The following GET3 variants were observed in gnomAD, a reference collection of about 807,000 sequenced individuals.
GET3 encodes guided entry of tail-anchored proteins factor 3, ATPase, also known as ATPase GET3.
In GET3, 15 loss-of-function variants were observed where a neutral mutation model predicts 32.4. That is an observed-to-expected ratio of 0.46 (90% confidence interval 0.31 to 0.71). The LOEUF is 0.71. Among genes scored for constraint, GET3 ranks in the 30% least tolerant of loss-of-function variants. GET3 has a pLI of 0.05. For synonymous variants in GET3, 198 were observed against 185.6 expected, an observed-to-expected ratio of 1.07 and a Z score of -0.54; for missense variants, 333 against 459.0, an observed-to-expected ratio of 0.73 and a Z score of 2.51.
intron 2 of GET3, among the ~76,000 whole-genome samples, chr19:12,741,556 C>A (rs534555641): frequency 6.6e-6 from 1 of 151,078 alleles, no homozygotes; most frequent in Non-Finnish European, 1.5e-5. Flanking sequence ...GTCGGGAGTT[C>A]GAGACCAGCC....
chr19:12,748,267 G>A lies in GET3; in HGVS notation c.*163G>A. 1.6e-6 allele frequency: 1 copy of A among 618,666 alleles called. No homozygotes were observed. The allele number at this position is 618,666 out of a possible 1,614,324, so 38.3% of individuals were successfully genotyped here. ...CCCCTGGTGGGGCTGGTGGGGAGCT[G>A]TAGTTGCCCCCTACCTCTCCCACCT... On this transcript the variant is annotated 3_prime_UTR_variant, in exon 7 of 7. Transcript: ENST00000357332.
chr19:12,738,234 A>C (rs2145684080), intron 1 of GET3, among the ~76,000 whole-genome samples: 1 of 152,272 alleles, frequency 6.6e-6, no homozygotes, highest in East Asian at 1.9e-4. Context: ...CCGCTGGGCC[A>C]TGCCACTGTG....
In GET3 at chr19:12,747,018, A is replaced by G. The variant is rs1458470910; in HGVS notation, c.610-179A>G. 5.3e-5 allele frequency among the ~76,000 whole-genome samples: 8 copies of G among 152,048 alleles called. No individual in the cohort carries two copies. Among genetic ancestry groups the G allele is most frequent in the East Asian group, 3.9e-4 (2 of 5,176 alleles). ...GAGTGAGACTCCATTTCAAAAAAAA[A>G]AAAAAAAGAAAGAAAGAAATGGAAA... On this transcript the variant is annotated intron_variant, in intron 4 of 6. Coordinates refer to ENST00000357332, the MANE Select transcript of GET3 (RefSeq NM_004317.4). The surrounding 1 kb of genome is among the most constrained non-coding windows in gnomAD (Gnocchi z 4.0).
intron 4 of GET3, among the ~76,000 whole-genome samples, chr19:12,746,574 C>T (rs1967775445): frequency 6.6e-6 from 1 of 152,222 alleles, no homozygotes; most frequent in Non-Finnish European, 1.5e-5. Flanking sequence ...TAACACTGAG[C>T]ACTTACTGTG....
Position 12,742,576 on chromosome 19 carries a change from G to A in GET3, c.310-2801G>A, listed in dbSNP as rs545596924. Among the ~76,000 whole-genome samples, 7 of 152,070 alleles carry A rather than the reference G, an allele frequency of 4.6e-5. No individual in the cohort carries two copies. The South Asian group carries it at 8.3e-4, about 18-fold the overall frequency. ...ACTCCAGGTGCATGCCACCATGCCC[G>A]GCTAATTTTTAGTATTTTTAGTAGA... On this transcript the variant is annotated intron_variant, in intron 2 of 6. Coordinates refer to ENST00000357332, the MANE Select transcript of GET3 (RefSeq NM_004317.4).
At chr19:12,744,727 C>T (rs1450525946) in intron 2 of GET3, among the ~76,000 whole-genome samples, 1 of 152,190 alleles carries the variant, frequency 6.6e-6, no homozygotes, top group Non-Finnish European at 1.5e-5. Context: ...GAGGGGCAGA[C>T]ATTCCTGCTA....
intron 2 of GET3, among the ~76,000 whole-genome samples, chr19:12,741,389 G>T (rs1967666489): frequency 6.6e-6 from 1 of 151,658 alleles, no homozygotes; most frequent in Non-Finnish European, 1.5e-5. Flanking sequence ...GCGGGAGGTG[G>T]AGCTTACAGT....
rs1404502247 is a variant in GET3 at position 12,745,333 on chromosome 19, C to A, written c.310-44C>A. Reference sequence around the variant, plus strand: ...CCCTGTGCCCAGGTGGGAAGGCTCCCCCAGCAGTAGCAGCAACCTCAGTCT... The same window carrying A: ...CCCTGTGCCCAGGTGGGAAGGCTCCACCAGCAGTAGCAGCAACCTCAGTCT... On this transcript the variant is annotated intron_variant, in intron 2 of 6. Transcript: ENST00000357332. The surrounding 1 kb of genome is among the most constrained non-coding windows in gnomAD (Gnocchi z 5.0). The A allele has an allele frequency of 6.3e-7, 1 of 1,594,910 alleles. No homozygotes were observed. Among genetic ancestry groups the A allele is most frequent in the South Asian group, 1.1e-5 (1 of 90,216 alleles).
chr19:12,737,531 G>A lies in GET3; in HGVS notation c.26G>A (p.Gly9Glu), dbSNP rs1967593273. The change falls in exon 1 of 7, where the codon GGG (glycine) becomes GAG (glutamate). Residue 9 changes from glycine to glutamate, a missense_variant. Physicochemically the swap from Gly to Glu is moderately conservative, Grantham distance 98. Coordinates refer to ENST00000357332, the MANE Select transcript of GET3 (RefSeq NM_004317.4). Reference sequence around the variant, plus strand: ...ATGGCGGCAGGGGTGGCCGGGTGGGGGGTTGAGGCAGAGGAGTTCGAAGAT... The same window carrying A: ...ATGGCGGCAGGGGTGGCCGGGTGGGAGGTTGAGGCAGAGGAGTTCGAAGAT... MAAGVAGW[G>E]VEAEEFEDAP... 2 of 1,577,942 alleles carry A rather than the reference G, an allele frequency of 1.3e-6. No individual in the cohort carries two copies. The highest frequency in any genetic ancestry group is 8.6e-7 in the Non-Finnish European group (1 of 1,163,598).
In GET3 at chr19:12,747,383, C is replaced by G. The variant is rs374961741; in HGVS notation, c.718-12C>G. 1.9e-6 allele frequency: 3 copies of G among 1,614,090 alleles called. No homozygotes were observed. The highest frequency in any genetic ancestry group is 3.3e-5 in the Admixed American group (2 of 60,024). On this transcript the variant is annotated splice_polypyrimidine_tract_variant and intron_variant, in intron 5 of 6. Transcript: ENST00000357332. The surrounding 1 kb of genome is among the most constrained non-coding windows in gnomAD (Gnocchi z 4.0). ...GACCCCGCCCCTCACTGTCCTCTCT[C>G]GTGCCCTGTAGGAGCAGACAACTTT...
intron 2 of GET3, among the ~76,000 whole-genome samples, chr19:12,740,392 A>G (rs1967646091): frequency 1.3e-5 from 2 of 150,094 alleles, no homozygotes; most frequent in South Asian, 2.1e-4. Context: ...AAAAAATAAT[A>G]AAGGCCGGGC....
chr19:12,748,016 T>C lies in GET3; in HGVS notation c.959T>C (p.Leu320Pro), dbSNP rs943040815. ...GACTTCCACATCGTGAAGCTGCCGC[T>C]GTTACCCCATGAGGTGCGGGGGGCA... ...YEDFHIVKLP[L>P]LPHEVRGADK... is the part of the protein sequence containing the mutation. The change falls in exon 7 of 7, where the codon CTG becomes CCG. Residue 320 changes from leucine (L) to proline (P), a missense_variant. Transcript: ENST00000357332. 1 of 1,612,020 alleles carries C rather than the reference T, an allele frequency of 6.2e-7. No individual in the cohort carries two copies. Among genetic ancestry groups the C allele is most frequent in the Non-Finnish European group, 8.5e-7 (1 of 1,178,542 alleles).
upstream of GET3, chr19:12,737,282 G>A (rs1488566018): frequency 3.6e-6 from 2 of 556,398 alleles, no homozygotes; most frequent in African/African-American, 3.9e-5. Context: ...CCGTACCGAT[G>A]TGTTCATTAG....
At chr19:12,741,339 C>T (rs1967664902) in intron 2 of GET3, among the ~76,000 whole-genome samples, 1 of 152,036 alleles carries the variant, frequency 6.6e-6, no homozygotes, top group African/African-American at 2.4e-5. Context: ...GCCTTTAATC[C>T]CAGTTATTCG....
At chr19:12,746,474 A>C (rs926913609) in intron 4 of GET3, among the ~76,000 whole-genome samples, 5 of 152,142 alleles carry the variant, frequency 3.3e-5, no homozygotes, top group Non-Finnish European at 7.3e-5. Flanking sequence ...AAGCCCCCAC[A>C]GTGCTGCACA....
At chr19:12,743,327 A>G (rs984932488) in intron 2 of GET3, among the ~76,000 whole-genome samples, 30 of 151,958 alleles carry the variant, frequency 2.0e-4, no homozygotes, top group Non-Finnish European at 1.5e-5. Context: ...AAAATACAAA[A>G]TTAGCTGGGG....
At chr19:12,742,376 C>T (rs528328207) in intron 2 of GET3, among the ~76,000 whole-genome samples, 14 of 151,260 alleles carry the variant, frequency 9.3e-5, no homozygotes, top group East Asian at 7.8e-4. Flanking sequence ...TGATTACAGG[C>T]GCCCGCCACC....
chr19:12,747,384 G>T lies in GET3; in HGVS notation c.718-11G>T. The T allele has an allele frequency of 6.2e-7, 1 of 1,614,044 alleles. No individual in the cohort carries two copies. Among genetic ancestry groups the T allele is most frequent in the Non-Finnish European group, 8.5e-7 (1 of 1,179,972 alleles). ...ACCCCGCCCCTCACTGTCCTCTCTC[G>T]TGCCCTGTAGGAGCAGACAACTTTC... On this transcript the variant is annotated splice_polypyrimidine_tract_variant and intron_variant, in intron 5 of 6. Transcript: ENST00000357332. The surrounding 1 kb of genome is among the most constrained non-coding windows in gnomAD (Gnocchi z 4.0).
At chr19:12,739,072 A>G (rs1387751237) in intron 2 of GET3, among the ~76,000 whole-genome samples, 1 of 152,186 alleles carries the variant, frequency 6.6e-6, no homozygotes, top group African/African-American at 2.4e-5. Context: ...GAAGCAGGGA[A>G]ACTAACAAGG....
Sources: allele counts gnomAD v4.1 joint callset (sites outside exome capture counted in the v4.1 genomes callset), GRCh38; gene constraint gnomAD v4.1.1; non-coding constraint Gnocchi (gnomAD v3.1); transcripts MANE v1.5; gene names NCBI Gene and HGNC (gene_info 2026-07-23, HGNC 2026-07-21).